MANBA: variants seen among roughly 807,000 people sequenced by gnomAD.
MANBA encodes the protein mannosidase beta.
A neutral mutation model predicts 111.1 loss-of-function variants in MANBA; 83 were observed. That is an observed-to-expected ratio of 0.75 (90% CI 0.63 to 0.90). The LOEUF (loss-of-function observed/expected upper bound fraction) is 0.90, where lower values mean the gene tolerates loss of function less well. Ranked by LOEUF, MANBA falls within the 40% of genes least tolerant of loss-of-function variation. MANBA has a pLI of 0.00. For synonymous variants in MANBA, 370 were observed against 378.7 expected (o/e 0.98, Z 0.27); for missense variants, 1,036 against 1,069.0 (o/e 0.97, Z 0.43).
intron 1 of MANBA, chr4:102,729,622 T>C (rs1722952679): frequency 9.9e-7 from 1 of 1,008,772 alleles, no homozygotes; most frequent in South Asian, 1.3e-5. Context: ...GTACACTTAT[T>C]GATCTCATCC....
chr4:102,723,449 T>C lies in MANBA; in HGVS notation c.379-408A>G, dbSNP rs935799058. On this transcript the variant is annotated intron_variant, in intron 3 of 16. Coordinates refer to ENST00000647097, the MANE Select transcript of MANBA (RefSeq NM_005908.4). ...ATGAACAGCATGCATTTCTAAGTAA[T>C]GAGTTATTTTTGTTTTGAAAAGTCT... 6.2e-4 allele frequency among the ~76,000 whole-genome samples: 95 copies of C among 152,338 alleles called. 1 individual carries two copies. Among genetic ancestry groups the C allele is most frequent in the African/African-American group, 2.2e-3 (92 of 41,578 alleles).
At chr4:102,705,687 G>A (rs1430858636) in intron 5 of MANBA, among the ~76,000 whole-genome samples, 1 of 152,120 alleles carries the variant, frequency 6.6e-6, no homozygotes, top group African/African-American at 2.4e-5. Flanking sequence ...TCCACCAGTG[G>A]TCTGGATATC....
At chr4:102,640,364 G>T (rs2110194115) in intron 13 of MANBA, among the ~76,000 whole-genome samples, 1 of 152,176 alleles carries the variant, frequency 6.6e-6, no homozygotes, top group South Asian at 2.1e-4. Flanking sequence ...CAATTGTTTT[G>T]ATGTCATGAT....
At position 102,728,811 on chromosome 4, in the gene MANBA, C is replaced by T. The variant is rs1318654472; in HGVS notation, c.178-2128G>A. 1.3e-5 allele frequency: 12 copies of T among 906,640 alleles called. No homozygotes were observed. The East Asian group carries it at 2.3e-4, about 18-fold the overall frequency. 56.2% of individuals were successfully genotyped at this position (906,640 alleles called of 1,614,324 possible). A position where few individuals can be genotyped will look rare whatever the true frequency, so the allele number is the denominator to read the frequency against. On this transcript the variant is annotated intron_variant, in intron 1 of 16. Coordinates refer to ENST00000647097, the MANE Select transcript of MANBA (RefSeq NM_005908.4). ...CCATCATGGGTCTCGATCTTCTTCACAACCACTGCCCTGGTGGTGCTGGTG... is the reference window on the plus strand; with the variant it reads ...CCATCATGGGTCTCGATCTTCTTCATAACCACTGCCCTGGTGGTGCTGGTG...
chr4:102,739,278 C>T (rs186851309), intron 1 of MANBA, among the ~76,000 whole-genome samples: 28 of 152,102 alleles, frequency 1.8e-4, no homozygotes, highest in African/African-American at 6.0e-4. Flanking sequence ...CTCAACAGAC[C>T]AATAACAAGT....
In MANBA at chr4:102,695,369, C is replaced by T. The variant is rs139467677; in HGVS notation, c.674-4598G>A. On this transcript the variant is annotated intron_variant, in intron 5 of 16. Transcript: ENST00000647097. ...ATAAGAGGACTCAGTTACATTACTTCAAGTTTGTCAAAAAGTAACAGGAAG... is the reference window on the plus strand; with the variant it reads ...ATAAGAGGACTCAGTTACATTACTTTAAGTTTGTCAAAAAGTAACAGGAAG... 6.3e-3 allele frequency among the ~76,000 whole-genome samples: 957 copies of T among 152,224 alleles called. 6 individuals are homozygous for T. The highest frequency in any genetic ancestry group is 0.021 in the African/African-American group (862 of 41,544).
chr4:102,760,226 C>T (rs1178218682), intron 1 of MANBA, among the ~76,000 whole-genome samples: 2 of 152,202 alleles, frequency 1.3e-5, no homozygotes, highest in Non-Finnish European at 2.9e-5. Context: ...AGGTCATTCT[C>T]CACAACGTCT....
intron 1 of MANBA, among the ~76,000 whole-genome samples, chr4:102,731,048 C>A (rs576519523): frequency 1.3e-5 from 2 of 152,272 alleles, no homozygotes; most frequent in African/African-American, 4.8e-5. Context: ...AACCCCAGCC[C>A]AAGGGGGAGT....
intron 2 of MANBA, among the ~76,000 whole-genome samples, chr4:102,725,271 T>G (rs1269134178): frequency 6.6e-6 from 1 of 152,200 alleles, no homozygotes; most frequent in East Asian, 1.9e-4. Flanking sequence ...ATAAAGTATT[T>G]TTTTTAAAAC....
Position 102,631,402 on chromosome 4 carries a change from G to T in MANBA, c.*655C>A, listed in dbSNP as rs112346774. 1.0e-5 allele frequency: 2 copies of T among 193,412 alleles called. No homozygotes were observed. Among genetic ancestry groups the T allele is most frequent in the Non-Finnish European group, 2.1e-5 (2 of 96,300 alleles). The allele number at this position is 193,412 out of a possible 1,614,324, so 12.0% of individuals were successfully genotyped here. Reference sequence around the variant, plus strand: ...CCAGTTTACCAAGCAGAATAATAACGAGAACTAAATGGAAATTAGGGTCCA... The same window carrying T: ...CCAGTTTACCAAGCAGAATAATAACTAGAACTAAATGGAAATTAGGGTCCA... On this transcript the variant is annotated 3_prime_UTR_variant, in exon 17 of 17. Coordinates refer to ENST00000647097, the MANE Select transcript of MANBA (RefSeq NM_005908.4).
chr4:102,723,367 G>C (rs189547401), intron 3 of MANBA, among the ~76,000 whole-genome samples: 1 of 152,288 alleles, frequency 6.6e-6, no homozygotes, highest in Admixed American at 6.5e-5. Context: ...CTACTTATAT[G>C]TGGCCTTGAA....
chr4:102,729,420 G>A, intron 1 of MANBA: 2 of 1,226,084 alleles, frequency 1.6e-6, no homozygotes, highest in Non-Finnish European at 2.4e-6. Context: ...CCAGGGAGCG[G>A]CTGTTGTCCA....
At chr4:102,660,694 G>A (rs951092204) in intron 11 of MANBA, among the ~76,000 whole-genome samples, 2 of 151,032 alleles carry the variant, frequency 1.3e-5, no homozygotes, top group African/African-American at 4.9e-5. Flanking sequence ...GGCCTCAAAT[G>A]TTCCCCCTGC....
In MANBA at chr4:102,702,670, A is replaced by G. The variant is rs139442001; in HGVS notation, c.673+11768T>C. ...ATTTTTAAGGACTAAGAATACAGAA[A>G]AGAAACATAGATATATACATATATA... On this transcript the variant is annotated intron_variant, in intron 5 of 16. Coordinates refer to ENST00000647097, the MANE Select transcript of MANBA (RefSeq NM_005908.4). Among the ~76,000 whole-genome samples, 22 of 152,294 alleles carry G rather than the reference A, an allele frequency of 1.4e-4. No homozygotes were observed. The East Asian group carries it at 4.2e-3, about 29-fold the overall frequency.
At chr4:102,681,809 T>C (rs1731989938) in intron 7 of MANBA, among the ~76,000 whole-genome samples, 1 of 152,206 alleles carries the variant, frequency 6.6e-6, no homozygotes, top group Non-Finnish European at 1.5e-5. Flanking sequence ...AAAATGACTG[T>C]ATGAAGCTGA....
chr4:102,639,463 T>C (rs1429158089), intron 14 of MANBA, among the ~76,000 whole-genome samples: 1 of 152,128 alleles, frequency 6.6e-6, no homozygotes, highest in Non-Finnish European at 1.5e-5. Flanking sequence ...TAGGAATCTA[T>C]CCCATGCTTA....
Position 102,638,812 on chromosome 4 carries a change from A to G in MANBA, c.2014+901T>C, listed in dbSNP as rs560733007. On this transcript the variant is annotated intron_variant, in intron 14 of 16. Coordinates refer to ENST00000647097, the MANE Select transcript of MANBA (RefSeq NM_005908.4). ...CTGTAAGAGTCATCCATCTGGCACT[A>G]ATGAAAACATGTTTGGAATGAATTT... 3.9e-5 allele frequency among the ~76,000 whole-genome samples: 6 copies of G among 152,276 alleles called. No homozygotes were observed. The East Asian group carries it at 9.7e-4, about 25-fold the overall frequency.
intron 4 of MANBA, chr4:102,722,322 T>TA (rs1199002882): frequency 6.4e-6 from 1 of 156,322 alleles, no homozygotes; most frequent in Non-Finnish European, 1.4e-5. Flanking sequence ...AAATAAACAT[T>TA]AAAAAACCAA....
At chr4:102,718,627 T>C (rs146077177) in intron 4 of MANBA, among the ~76,000 whole-genome samples, 122 of 152,132 alleles carry the variant, frequency 8.0e-4, no homozygotes, top group African/African-American at 2.8e-3. Context: ...GCAGAGACAA[T>C]AGGGGACTTA....
Sources: gnomAD v4.1 joint callset for allele counts (sites outside exome capture counted in the v4.1 genomes callset) on GRCh38, gnomAD v4.1.1 for gene constraint, MANE v1.5 for transcripts, NCBI Gene and HGNC (gene_info 2026-07-23, HGNC 2026-07-21) for gene names.